Variants in BLOC1S5 observed in about 807,000 individuals in gnomAD.
BLOC1S5 encodes biogenesis of lysosomal organelles complex 1 subunit 5, also known as biogenesis of lysosome-related organelles complex 1 subunit 5.
BLOC1S5 carries 27 observed loss-of-function variants against 24.3 expected under a neutral mutation model. That is an observed-to-expected ratio of 1.11 (90% confidence interval 0.82 to 1.53). BLOC1S5 has a LOEUF of 1.53. Ranked by LOEUF, BLOC1S5 falls within the 40% of genes most tolerant of loss-of-function variation. BLOC1S5 has a pLI of 0.00. For synonymous variants in BLOC1S5, 84 were observed against 74.5 expected (o/e 1.13, Z -0.66); for missense variants, 239 against 229.4 (o/e 1.04, Z -0.27).
At chr6:8,059,975 T>G (rs1764459066) in intron 2 of BLOC1S5, among the ~76,000 whole-genome samples, 1 of 152,264 alleles carries the variant, frequency 6.6e-6, no homozygotes, top group Non-Finnish European at 1.5e-5. Context: ...ATATTATGCC[T>G]CACATAAAAT....
At chr6:8,060,498 G>C (rs1313610589) in intron 2 of BLOC1S5, among the ~76,000 whole-genome samples, 1 of 152,186 alleles carries the variant, frequency 6.6e-6, no homozygotes, top group African/African-American at 2.4e-5. Context: ...TACTGTGTGA[G>C]AAAGGTTATT....
chr6:8,056,073 C>T (rs115289090), intron 2 of BLOC1S5, among the ~76,000 whole-genome samples: 2,934 of 152,298 alleles, frequency 0.019, 90 homozygotes, highest in African/African-American at 0.066. Context: ...TTCTTACCTT[C>T]TGCCTCCCAC....
Position 8,041,655 on chromosome 6 carries a change from C to CTTTCTTTTTTTTTTT in BLOC1S5, c.196-388_196-387insAAAAAAAAAAAGAAA, listed in dbSNP as rs111955375. Among the ~76,000 whole-genome samples the CTTTCTTTTTTTTTTT allele has an allele frequency of 1.3e-4, 14 of 111,928 alleles. No homozygotes were observed. The East Asian group carries it at 1.5e-3, about 12-fold the overall frequency. 73.4% of individuals were successfully genotyped at this position (111,928 alleles called of 152,430 possible). A position where few individuals can be genotyped will look rare whatever the true frequency, so the allele number is the denominator to read the frequency against. ...TAGTAATTACTTTCTTTCTTTCTTT[C>CTTTCTTTTTTTTTTT]TTTTTTTTTGAGATGCAGTCTCGCC... On this transcript the variant is annotated intron_variant, in intron 2 of 4. Coordinates refer to ENST00000397457, the MANE Select transcript of BLOC1S5 (RefSeq NM_201280.3).
intron 3 of BLOC1S5, among the ~76,000 whole-genome samples, chr6:8,040,460 A>G (rs1223357060): frequency 6.6e-6 from 1 of 152,230 alleles, no homozygotes; most frequent in Non-Finnish European, 1.5e-5. Context: ...TAGTTTTTTA[A>G]AAGTAAAAAA....
intron 3 of BLOC1S5, among the ~76,000 whole-genome samples, chr6:8,030,828 C>T (rs12195026): frequency 0.16 from 23,581 of 148,476 alleles, 1,935 homozygotes; most frequent in Admixed American, 0.19. Flanking sequence ...GCCAAGATCA[C>T]GCCACTGCAC....
intron 2 of BLOC1S5, among the ~76,000 whole-genome samples, chr6:8,057,741 T>C (rs1327723245): frequency 1.3e-5 from 2 of 152,232 alleles, no homozygotes; most frequent in Non-Finnish European, 2.9e-5. Flanking sequence ...TTAACCCACA[T>C]TAGAATTAAT....
At chr6:8,045,279 A>G (rs1039772241) in intron 2 of BLOC1S5, among the ~76,000 whole-genome samples, 2 of 152,244 alleles carry the variant, frequency 1.3e-5, no homozygotes, top group African/African-American at 2.4e-5. Context: ...GGTGCACAGA[A>G]GTCAAGAATG....
At chr6:8,033,084 A>T (rs948332747) in intron 3 of BLOC1S5, among the ~76,000 whole-genome samples, 7 of 152,234 alleles carry the variant, frequency 4.6e-5, no homozygotes, top group African/African-American at 1.7e-4. Flanking sequence ...TGCTATCACC[A>T]TTAAGCTACC....
intron 4 of BLOC1S5, among the ~76,000 whole-genome samples, chr6:8,017,009 G>A (rs1762764075): frequency 6.6e-6 from 1 of 152,034 alleles, no homozygotes; most frequent in African/African-American, 2.4e-5. Flanking sequence ...AGGATGAAAG[G>A]TTTTTTCTTT....
At chr6:8,034,881 G>A (rs928912337) in intron 3 of BLOC1S5, among the ~76,000 whole-genome samples, 13 of 151,908 alleles carry the variant, frequency 8.6e-5, no homozygotes, top group African/African-American at 2.7e-4. Context: ...CAAAAATATG[G>A]AACCAGCCCA....
rs768546457 is a variant in BLOC1S5, at chr6:8,035,359, T to TTA, written c.325+5779_325+5780insTA. ...GGAATAAAAATCTTTTTTTTTTTTT[T>TTA]AAAAAAAAGGCATAGAGTGGCTGAA... On this transcript the variant is annotated intron_variant, in intron 3 of 4. Coordinates refer to ENST00000397457, the MANE Select transcript of BLOC1S5 (RefSeq NM_201280.3). 4.5e-3 allele frequency among the ~76,000 whole-genome samples: 671 copies of TTA among 148,572 alleles called. 11 individuals are homozygous for TTA. Among genetic ancestry groups the TTA allele is most frequent in the Admixed American group, 0.035 (520 of 14,944 alleles).
intron 3 of BLOC1S5, among the ~76,000 whole-genome samples, chr6:8,033,717 G>A (rs1317296057): frequency 6.6e-6 from 1 of 152,110 alleles, no homozygotes; most frequent in African/African-American, 2.4e-5. Context: ...GAAAATTTTT[G>A]CAATCTACCC....
chr6:8,062,461 G>T (rs1377884188), intron 2 of BLOC1S5, 73 bp downstream of exon 2: 2 of 903,930 alleles, frequency 2.2e-6, no homozygotes, highest in Non-Finnish European at 3.3e-6. Flanking sequence ...TTAAAACTGG[G>T]GAATTTCTCT....
chr6:8,046,347 A>C (rs2206099), intron 2 of BLOC1S5, among the ~76,000 whole-genome samples: 131,876 of 152,138 alleles, frequency 0.87, 57,518 homozygotes, highest in East Asian at 1. Context: ...ATGCCTTTAT[A>C]AGCAGCATGA....
intron 2 of BLOC1S5, among the ~76,000 whole-genome samples, chr6:8,057,431 T>C (rs1174811672): frequency 2.6e-5 from 4 of 152,232 alleles, no homozygotes; most frequent in African/African-American, 9.6e-5. Context: ...ATATGTATAT[T>C]GTTTCTGGCA....
Position 8,062,587 on chromosome 6 carries a change from C to T in BLOC1S5, c.142G>A (p.Asp48Asn). ...TCACCTTGAATAACTGGTCTGTGAT[C>T]CAAAAGCCTTGAATGAATTTCTCCA... ...DLGEIHSRLL[D>N]HRPVIQGETR... The change falls in exon 2 of 5, where the codon GAT becomes AAT. Residue 48 changes from aspartate (D) to asparagine (N), a missense_variant. By Grantham distance (23) the Asp-to-Asn change is conservative. Transcript: ENST00000397457. 1.2e-6 allele frequency: 2 copies of T among 1,602,886 alleles called. No individual in the cohort carries two copies. Among genetic ancestry groups the T allele is most frequent in the Non-Finnish European group, 1.7e-6 (2 of 1,173,340 alleles).
chr6:8,031,345 G>A (rs1329832823), intron 3 of BLOC1S5, among the ~76,000 whole-genome samples: 1 of 152,140 alleles, frequency 6.6e-6, no homozygotes, highest in Non-Finnish European at 1.5e-5. Context: ...AAACCAAGCT[G>A]AGAATCAAAT....
chr6:8,041,127 T>G lies in BLOC1S5; in HGVS notation c.325+12A>C. 6.4e-7 allele frequency: 1 copy of G among 1,562,720 alleles called. No individual in the cohort carries two copies. Among genetic ancestry groups the G allele is most frequent in the East Asian group, 2.3e-5 (1 of 43,768 alleles). ...GAAATGAAAAGCAATTAAAAAAGAA[T>G]TGCTGACTCACATCTCTGGAGAACC... is the stretch of plus-strand genomic sequence containing the variant. On this transcript the variant is annotated intron_variant, in intron 3 of 4. Coordinates refer to ENST00000397457, the MANE Select transcript of BLOC1S5 (RefSeq NM_201280.3).
chr6:8,019,002 T>C (rs1762829094), intron 4 of BLOC1S5, among the ~76,000 whole-genome samples: 1 of 152,242 alleles, frequency 6.6e-6, no homozygotes, highest in South Asian at 2.1e-4. Flanking sequence ...TGCAATATAT[T>C]AGTGAATAAG....
Sources: allele counts gnomAD v4.1 joint callset (sites outside exome capture counted in the v4.1 genomes callset), GRCh38; gene constraint gnomAD v4.1.1; transcripts MANE v1.5; gene names NCBI Gene and HGNC (gene_info 2026-07-23, HGNC 2026-07-21).